The following BCR variants were observed in gnomAD, a reference collection of about 807,000 sequenced individuals.
BCR encodes breakpoint cluster region protein.
A neutral mutation model predicts 138.6 loss-of-function variants in BCR; 58 were observed. That is an observed-to-expected ratio of 0.42 (90% CI 0.34 to 0.52). The LOEUF (loss-of-function observed/expected upper bound fraction) is 0.52, where lower values mean the gene tolerates loss of function less well. Among genes scored for constraint, BCR ranks in the 20% least tolerant of loss-of-function variants. The pLI, the probability that BCR is intolerant of heterozygous loss-of-function variation, is 0.06. For missense variants in BCR, 1,599 were observed against 1,727.2 expected (o/e 0.93, Z 1.32); for synonymous variants, 786 against 730.1 (o/e 1.08, Z -1.23).
Position 23,290,301 on chromosome 22 carries a change from G to T in BCR, c.2708-38G>T, listed in dbSNP as rs776282115. On this transcript the variant is annotated intron_variant, in intron 13 of 22. Coordinates refer to ENST00000305877, the MANE Select transcript of BCR (RefSeq NM_004327.4). ...AGCTTGTCACCTGCCTCCCTTTCCC[G>T]GGACAACAGAAGCTGACCTCTTTGA... 1.9e-6 allele frequency: 3 copies of T among 1,594,546 alleles called. No individual in the cohort carries two copies. The highest frequency in any genetic ancestry group is 2.6e-6 in the Non-Finnish European group (3 of 1,162,426).
At chr22:23,259,705 C>T (rs1357953601) in intron 2 of BCR, among the ~76,000 whole-genome samples, 17 of 152,118 alleles carry the variant, frequency 1.1e-4, no homozygotes, top group Middle Eastern at 3.4e-3. Context: ...TTAGTAGAGA[C>T]GGGGTTTCAC....
intron 1 of BCR, among the ~76,000 whole-genome samples, chr22:23,211,372 G>T (rs557477371): frequency 2.6e-5 from 4 of 151,738 alleles, no homozygotes; most frequent in Admixed American, 6.6e-5. Context: ...TAATTTTTTT[G>T]TATTTTTAGT....
At chr22:23,208,688 A>C (rs1461496396) in intron 1 of BCR, among the ~76,000 whole-genome samples, 1 of 152,116 alleles carries the variant, frequency 6.6e-6, no homozygotes, top group Non-Finnish European at 1.5e-5. Flanking sequence ...CCCCGTCTCT[A>C]CTAAAAATAC....
intron 1 of BCR, among the ~76,000 whole-genome samples, chr22:23,238,786 C>T (rs2073054266): frequency 6.6e-6 from 1 of 151,966 alleles, no homozygotes. Context: ...AGACTACCCC[C>T]AGGACTGACC....
intron 1 of BCR, among the ~76,000 whole-genome samples, chr22:23,194,637 C>T (rs886152048): frequency 1.2e-4 from 19 of 152,138 alleles, no homozygotes; most frequent in African/African-American, 4.6e-4. Flanking sequence ...TGGTCTCGAT[C>T]TCCTGACCTC....
chr22:23,304,306 ATTC>A (rs2073935325), intron 16 of BCR, among the ~76,000 whole-genome samples: 1 of 151,918 alleles, frequency 6.6e-6, no homozygotes, highest in South Asian at 2.1e-4. Context: ...AGATTTGCCC[ATTC>A]TTCACATTTC....
intron 4 of BCR, chr22:23,263,460 A>C (rs2073397275): frequency 8.2e-6 from 12 of 1,454,976 alleles, no homozygotes; most frequent in Non-Finnish European, 1.2e-5. Context: ...GATTCTGCTG[A>C]AGTGGAGATG....
At chr22:23,191,517 C>CA (rs2072414833) in intron 1 of BCR, among the ~76,000 whole-genome samples, 1 of 152,172 alleles carries the variant, frequency 6.6e-6, no homozygotes, top group Non-Finnish European at 1.5e-5. Context: ...CTTTCTTTAA[C>CA]GGTATATTTG....
intron 1 of BCR, among the ~76,000 whole-genome samples, chr22:23,197,492 A>T (rs2072498187): frequency 6.6e-6 from 1 of 152,072 alleles, no homozygotes; most frequent in South Asian, 2.1e-4. Context: ...TTTCATTCTG[A>T]GGTTGCTTGA....
At chr22:23,258,286 G>A (rs1401648368) in intron 2 of BCR, among the ~76,000 whole-genome samples, 1 of 151,912 alleles carries the variant, frequency 6.6e-6, no homozygotes, top group Non-Finnish European at 1.5e-5. Flanking sequence ...GATGGTCCCA[G>A]TGGGCAAGTG....
Position 23,181,491 on chromosome 22 carries a change from C to T in BCR, c.531C>T (p.Tyr177=), listed in dbSNP as rs143556635. ...GGGCGGACGCCGAGAAGCCCTTCTA[C>T]GTGAACGTCGAGTTTCACCACGAGC... is the stretch of plus-strand genomic sequence containing the variant. ...QPGADAEKPF[Y]VNVEFHHERG... The change falls in exon 1 of 23, where the codon TAC becomes TAT. Residue 177 remains tyrosine (Y), a synonymous_variant. Coordinates refer to ENST00000305877, the MANE Select transcript of BCR (RefSeq NM_004327.4). 1.6e-5 allele frequency: 25 copies of T among 1,612,004 alleles called. No homozygotes were observed. The highest frequency in any genetic ancestry group is 2.1e-5 in the Non-Finnish European group (25 of 1,179,272).
chr22:23,281,788 C>G (rs763284118), intron 8 of BCR, among the ~76,000 whole-genome samples: 9 of 152,238 alleles, frequency 5.9e-5, no homozygotes, highest in Non-Finnish European at 1.0e-4. Flanking sequence ...GGGCCACTTC[C>G]TCCCCACAGT....
chr22:23,313,316 G>A (rs563695003), intron 20 of BCR, among the ~76,000 whole-genome samples: 8 of 152,344 alleles, frequency 5.3e-5, no homozygotes, highest in African/African-American at 1.7e-4. Flanking sequence ...GCAGACCAGG[G>A]CTGAAGGAGG....
rs570681878 is a variant in BCR at position 23,290,582 on chromosome 22, G to T, written c.2782+169G>T. ...TTGTGCTGGTTGATGCCTTCTGGGTGTGGAATTGTTTTTCCCGGAGTGGCC... is the reference window on the plus strand; with the variant it reads ...TTGTGCTGGTTGATGCCTTCTGGGTTTGGAATTGTTTTTCCCGGAGTGGCC... On this transcript the variant is annotated intron_variant, in intron 14 of 22. Transcript: ENST00000305877. 35 of 698,256 alleles carry T rather than the reference G, an allele frequency of 5.0e-5. No individual in the cohort carries two copies. In the African/African-American group the frequency reaches 5.4e-4, roughly 11 times the overall value. 43.3% of individuals were successfully genotyped at this position (698,256 alleles called of 1,614,324 possible).
At chr22:23,206,436 G>C (rs2072614469) in intron 1 of BCR, among the ~76,000 whole-genome samples, 1 of 152,070 alleles carries the variant, frequency 6.6e-6, no homozygotes, top group Admixed American at 6.6e-5. Flanking sequence ...AAGTAGCCGG[G>C]CGTGGTGGCG....
At chr22:23,237,251 G>A (rs114675903) in intron 1 of BCR, among the ~76,000 whole-genome samples, 1,576 of 152,352 alleles carry the variant, frequency 0.01, 28 homozygotes, top group African/African-American at 0.036. Context: ...GCTGGCAGGT[G>A]GCTGAGTTGG....
intron 1 of BCR, among the ~76,000 whole-genome samples, chr22:23,214,412 C>T (rs562668052): frequency 2.0e-5 from 3 of 152,380 alleles, no homozygotes; most frequent in South Asian, 4.1e-4. Context: ...GTCCTGAAGG[C>T]TGCCCAGCTC....
At position 23,308,406 on chromosome 22, in the gene BCR, C is replaced by T. The variant is rs541733221; in HGVS notation, c.3013-1018C>T. Among the ~76,000 whole-genome samples the T allele has an allele frequency of 2.0e-4, 30 of 152,224 alleles. No homozygotes were observed. In the South Asian group the frequency reaches 6.0e-3, roughly 31 times the overall value. On this transcript the variant is annotated intron_variant, in intron 16 of 22. Coordinates refer to ENST00000305877, the MANE Select transcript of BCR (RefSeq NM_004327.4). ...CTGCAACCTCCACCTCCTGAGTTCACACCATTCTCCTGCCTCAGCCTCCCA... is the reference window on the plus strand; with the variant it reads ...CTGCAACCTCCACCTCCTGAGTTCATACCATTCTCCTGCCTCAGCCTCCCA...
At chr22:23,299,963 CT>C (rs2073886884) in intron 16 of BCR, among the ~76,000 whole-genome samples, 1 of 152,256 alleles carries the variant, frequency 6.6e-6, no homozygotes, top group African/African-American at 2.4e-5. Flanking sequence ...CATGGGCAGC[CT>C]TTTTATCTTA....
Sources: gnomAD v4.1 joint callset for allele counts (sites outside exome capture counted in the v4.1 genomes callset) on GRCh38, gnomAD v4.1.1 for gene constraint, MANE v1.5 for transcripts, NCBI Gene and HGNC (gene_info 2026-07-23, HGNC 2026-07-21) for gene names.